The following EYS variants were observed in gnomAD, a reference collection of about 807,000 sequenced individuals.
EYS encodes EGF-like photoreceptor maintenance factor.
Under a neutral mutation model 282.1 loss-of-function variants are expected in EYS, and 250 were observed. The ratio of observed to expected loss-of-function variants is 0.89; its 90% CI spans 0.80 to 0.98. The LOEUF is 0.98. EYS is among the 50% of genes least tolerant of loss of function. EYS has a pLI of 0.00. For missense variants in EYS, 4,016 were observed against 3,709.0 expected (o/e 1.08, Z -2.15); for synonymous variants, 1,355 against 1,282.9 (o/e 1.06, Z -1.20).
intron 2 of EYS, among the ~76,000 whole-genome samples, chr6:65,542,731 G>A (rs975992632): frequency 6.6e-6 from 1 of 151,924 alleles, no homozygotes; most frequent in African/African-American, 2.4e-5. Context: ...ATAAACACCG[G>A]CTACTTGATA....
rs146854477 is a variant in EYS, at chr6:65,697,595, A to C, written c.-448+9540T>G. ...TCTGACAGAAGCATTCTTTTCAATC[A>C]AGCTTAAAAATAGAAGAAAATAACA... On this transcript the variant is annotated intron_variant, in intron 1 of 42. Coordinates refer to ENST00000503581, the MANE Select transcript of EYS (RefSeq NM_001142800.2). Among the ~76,000 whole-genome samples the C allele has an allele frequency of 7.7e-3, 1,175 of 152,186 alleles. 2 individuals carry two copies. The highest frequency in any genetic ancestry group is 0.012 in the Non-Finnish European group (795 of 67,926).
At chr6:64,848,636 G>A (rs1278380256) in intron 19 of EYS, among the ~76,000 whole-genome samples, 1 of 152,082 alleles carries the variant, frequency 6.6e-6, no homozygotes, top group African/African-American at 2.4e-5. Flanking sequence ...AGGTGGATGA[G>A]CTGAAGGATA....
intron 26 of EYS, among the ~76,000 whole-genome samples, chr6:64,519,778 G>A (rs1777673459): frequency 6.6e-6 from 1 of 151,856 alleles, no homozygotes; most frequent in South Asian, 2.1e-4. Flanking sequence ...AACTATGGAA[G>A]AGGGATAGTG....
intron 30 of EYS, among the ~76,000 whole-genome samples, chr6:64,243,975 A>G (rs1766923002): frequency 6.6e-6 from 1 of 152,176 alleles, no homozygotes; most frequent in African/African-American, 2.4e-5. Flanking sequence ...CATCTGAAGA[A>G]TAAATATCTA....
intron 12 of EYS, among the ~76,000 whole-genome samples, chr6:65,144,434 G>A (rs1764423646): frequency 6.6e-6 from 1 of 152,038 alleles, no homozygotes; most frequent in Non-Finnish European, 1.5e-5. Context: ...GAAGGATATG[G>A]TTATATTACC....
At chr6:65,173,414 G>T (rs755589018) in intron 12 of EYS, among the ~76,000 whole-genome samples, 2 of 148,508 alleles carry the variant, frequency 1.3e-5, no homozygotes, top group Non-Finnish European at 3.0e-5. Context: ...AATCAAAATA[G>T]AACGGGGGAC....
intron 31 of EYS, among the ~76,000 whole-genome samples, chr6:64,198,125 C>T (rs1305619772): frequency 3.3e-5 from 5 of 150,804 alleles, no homozygotes; most frequent in Admixed American, 6.6e-5. Flanking sequence ...CCCAAGTAGC[C>T]GGGACTACAG....
At chr6:64,437,604 T>A (rs550188540) in intron 27 of EYS, among the ~76,000 whole-genome samples, 8 of 151,702 alleles carry the variant, frequency 5.3e-5, no homozygotes, top group Middle Eastern at 3.4e-3. Flanking sequence ...AATACAAATT[T>A]TTGTGTGATT....
At chr6:65,598,985 A>G (rs898818933) in intron 2 of EYS, among the ~76,000 whole-genome samples, 1 of 152,056 alleles carries the variant, frequency 6.6e-6, no homozygotes, top group Non-Finnish European at 1.5e-5. Flanking sequence ...CTATATTTAT[A>G]TATCTATATC....
intron 30 of EYS, among the ~76,000 whole-genome samples, chr6:64,301,624 A>C (rs1769240124): frequency 6.6e-6 from 1 of 152,166 alleles, no homozygotes; most frequent in Non-Finnish European, 1.5e-5. Flanking sequence ...CCTTTAAGTA[A>C]AAAGCAATTT....
intron 4 of EYS, among the ~76,000 whole-genome samples, chr6:65,492,966 G>C (rs961849326): frequency 6.6e-6 from 1 of 152,024 alleles, no homozygotes; most frequent in Admixed American, 6.5e-5. Flanking sequence ...GCCCAGGCTG[G>C]AGTGCAATGG....
chr6:64,472,897 A>G (rs577914361), intron 26 of EYS, among the ~76,000 whole-genome samples: 1 of 152,298 alleles, frequency 6.6e-6, no homozygotes, highest in Admixed American at 6.5e-5. Context: ...TCAACTAAAA[A>G]CACTTTGTTA....
At chr6:63,779,452 T>C (rs1352936126) in intron 39 of EYS, 5 of 113,562 alleles carry the variant, frequency 4.4e-5, no homozygotes, top group African/African-American at 7.7e-5. Context: ...AGAGTCTGTT[T>C]CAAAAAAAAA....
chr6:64,960,847 C>G (rs1160750575), intron 14 of EYS, among the ~76,000 whole-genome samples: 1 of 152,138 alleles, frequency 6.6e-6, no homozygotes, highest in Non-Finnish European at 1.5e-5. Flanking sequence ...GTGTTGTTCC[C>G]CTCTATGTGT....
intron 2 of EYS, among the ~76,000 whole-genome samples, chr6:65,617,983 T>A (rs1355963119): frequency 6.6e-6 from 1 of 152,296 alleles, no homozygotes; most frequent in Admixed American, 6.5e-5. Flanking sequence ...TCCAAGTCTT[T>A]GCTATTGTGA....
chr6:64,273,860 G>A (rs1316811236), intron 30 of EYS, among the ~76,000 whole-genome samples: 1 of 152,170 alleles, frequency 6.6e-6, no homozygotes, highest in East Asian at 1.9e-4. Context: ...TGCATGTTAA[G>A]TTATTAAACC....
chr6:65,142,230 TTTTA>T (rs1421504535), intron 12 of EYS, among the ~76,000 whole-genome samples: 1 of 152,046 alleles, frequency 6.6e-6, no homozygotes, highest in East Asian at 1.9e-4. Flanking sequence ...ATCTAATATA[TTTTA>T]TTTCTCTTTA....
At chr6:63,738,503 C>T (rs1161847165) in intron 41 of EYS, among the ~76,000 whole-genome samples, 7 of 148,870 alleles carry the variant, frequency 4.7e-5, no homozygotes, top group Non-Finnish European at 1.0e-4. Flanking sequence ...AACCAAACAC[C>T]CCATATTCTC....
intron 18 of EYS, among the ~76,000 whole-genome samples, chr6:64,891,248 C>T (rs1767283729): frequency 6.6e-6 from 1 of 151,984 alleles, no homozygotes; most frequent in Admixed American, 6.6e-5. Context: ...TCTTACTTTC[C>T]ACCACACTAA....
Sources: allele counts gnomAD v4.1 joint callset (sites outside exome capture counted in the v4.1 genomes callset), GRCh38; gene constraint gnomAD v4.1.1; transcripts MANE v1.5; gene names NCBI Gene and HGNC (gene_info 2026-07-23, HGNC 2026-07-21).